Variants in PAK5 observed in about 807,000 individuals in gnomAD.
PAK5 encodes the protein p21 (RAC1) activated kinase 5.
Under a neutral mutation model 65.9 loss-of-function variants are expected in PAK5, and 16 were observed. That is an observed-to-expected ratio of 0.24 (90% CI 0.16 to 0.37). PAK5 has a LOEUF of 0.37. Ranked by LOEUF, PAK5 falls within the 10% of genes least tolerant of loss-of-function variation. The pLI is 1.00. For synonymous variants in PAK5, 371 were observed against 354.9 expected (o/e 1.05, Z -0.51); for missense variants, 785 against 903.9 (o/e 0.87, Z 1.69).
chr20:9,576,876 T>C (rs1302570265), intron 4 of PAK5, among the ~76,000 whole-genome samples: 1 of 152,240 alleles, frequency 6.6e-6, no homozygotes, highest in Non-Finnish European at 1.5e-5. Flanking sequence ...ATGTATCTGG[T>C]ACACAGCAAA....
At chr20:9,704,229 G>A in intron 2 of PAK5, among the ~76,000 whole-genome samples, 1 of 152,184 alleles carries the variant, frequency 6.6e-6, no homozygotes, top group Non-Finnish European at 1.5e-5. Flanking sequence ...CTGCCCTGCA[G>A]TGACCAGAGA....
chr20:9,707,394 C>A (rs979309590), intron 2 of PAK5, among the ~76,000 whole-genome samples: 9 of 152,106 alleles, frequency 5.9e-5, no homozygotes, highest in African/African-American at 1.9e-4. Flanking sequence ...ATAGGCATGG[C>A]CCCCAGCCCC....
chr20:9,580,566 G>C lies in PAK5; in HGVS notation c.569C>G (p.Ser190Cys), dbSNP rs2123014915. 1 of 1,614,058 alleles carries C rather than the reference G, an allele frequency of 6.2e-7. No homozygotes were observed. Among genetic ancestry groups the C allele is most frequent in the Non-Finnish European group, 8.5e-7 (1 of 1,180,018 alleles). The change falls in exon 4 of 10, where the codon TCC (serine) becomes TGC (cysteine). Residue 190 changes from serine to cysteine, a missense_variant. Physicochemically the swap from Ser to Cys is moderately radical, Grantham distance 112. This residue lies in a region of PAK5 where 422 missense variants were observed against 413.3 expected (regional missense o/e 1.02). Coordinates refer to ENST00000353224, the MANE Select transcript of PAK5 (RefSeq NM_177990.4). The stretch of plus-strand genomic sequence containing the variant: ...ATCGGCAGAAAATCTGGCAAAATCG[G>C]ATTTCAAAGGCTTCACCTCAGAATA... ...AYYSEVKPLKSDFARFSADYH... is the reference protein window; with the variant it reads ...AYYSEVKPLKCDFARFSADYH...
chr20:9,641,123 C>G (rs202186866), intron 3 of PAK5, among the ~76,000 whole-genome samples: 2 of 151,714 alleles, frequency 1.3e-5, no homozygotes, highest in African/African-American at 2.4e-5. Flanking sequence ...GGTTCTCCAC[C>G]TCCCCATCAG....
chr20:9,619,065 G>A (rs899741421), intron 3 of PAK5, among the ~76,000 whole-genome samples: 16 of 151,262 alleles, frequency 1.1e-4, no homozygotes, highest in Non-Finnish European at 1.5e-5. Context: ...TGGGACTACA[G>A]GTGTGTACCA....
intron 3 of PAK5, among the ~76,000 whole-genome samples, chr20:9,619,119 C>T (rs1472105302): frequency 1.3e-5 from 2 of 151,320 alleles, no homozygotes; most frequent in African/African-American, 2.4e-5. Context: ...AACAGGGTTT[C>T]GCCTTGTTGC....
intron 3 of PAK5, among the ~76,000 whole-genome samples, chr20:9,615,403 G>A (rs930147959): frequency 2.0e-5 from 3 of 152,190 alleles, no homozygotes; most frequent in Non-Finnish European, 4.4e-5. Context: ...TCAAGGGGGA[G>A]GCTGTGCATG....
chr20:9,694,255 T>C (rs1005099256), intron 2 of PAK5, among the ~76,000 whole-genome samples: 6 of 151,994 alleles, frequency 3.9e-5, no homozygotes, highest in Non-Finnish European at 8.8e-5. Flanking sequence ...AAAGTCTATA[T>C]TATTTTTAAA....
intron 3 of PAK5, among the ~76,000 whole-genome samples, chr20:9,592,181 A>G (rs1383251554): frequency 6.6e-6 from 1 of 152,220 alleles, no homozygotes; most frequent in East Asian, 1.9e-4. Flanking sequence ...TAAGAACTCT[A>G]AAAGCAGGGA....
At chr20:9,599,319 T>C (rs184080594) in intron 3 of PAK5, among the ~76,000 whole-genome samples, 10 of 152,346 alleles carry the variant, frequency 6.6e-5, no homozygotes, top group Admixed American at 4.6e-4. Context: ...CCTGTGAACA[T>C]TGATATACAA....
At chr20:9,806,005 C>T (rs989741613) in intron 1 of PAK5, among the ~76,000 whole-genome samples, 7 of 152,138 alleles carry the variant, frequency 4.6e-5, no homozygotes, top group Non-Finnish European at 7.4e-5. Context: ...CACTCTGTTG[C>T]CTAGGCTGGA....
chr20:9,630,554 T>G (rs1385122420), intron 3 of PAK5, among the ~76,000 whole-genome samples: 1 of 152,204 alleles, frequency 6.6e-6, no homozygotes, highest in Non-Finnish European at 1.5e-5. Context: ...AATTGTTTCA[T>G]CAGGAATACT....
intron 1 of PAK5, among the ~76,000 whole-genome samples, chr20:9,738,468 G>A (rs2048415849): frequency 6.6e-6 from 1 of 152,058 alleles, no homozygotes; most frequent in Non-Finnish European, 1.5e-5. Context: ...TCATACTATA[G>A]AGTACTGTTT....
chr20:9,739,942 C>G (rs939682533), intron 1 of PAK5, among the ~76,000 whole-genome samples: 1 of 152,164 alleles, frequency 6.6e-6, no homozygotes, highest in African/African-American at 2.4e-5. Context: ...CAGTCAAAGT[C>G]TTTGCTTCTG....
intron 1 of PAK5, among the ~76,000 whole-genome samples, chr20:9,738,818 T>TTGTGTGTG (rs35705495): frequency 6.7e-6 from 1 of 150,124 alleles, no homozygotes; most frequent in Admixed American, 6.7e-5. Flanking sequence ...TATGGGCAGT[T>TTGTGTGTG]TGTGTGTGTG....
intron 1 of PAK5, among the ~76,000 whole-genome samples, chr20:9,815,694 A>G (rs1418751735): frequency 6.6e-6 from 1 of 152,154 alleles, no homozygotes; most frequent in Non-Finnish European, 1.5e-5. Flanking sequence ...GGTCTACCAT[A>G]GCAATTCTTT....
At chr20:9,625,980 C>G (rs78952917) in intron 3 of PAK5, among the ~76,000 whole-genome samples, 128 of 152,248 alleles carry the variant, frequency 8.4e-4, no homozygotes, top group African/African-American at 2.8e-3. Flanking sequence ...ACTGCAGGTG[C>G]CACCAGCTAA....
chr20:9,725,521 G>A lies in PAK5; in HGVS notation c.-161-14086C>T, dbSNP rs181093119. Reference sequence around the variant, plus strand: ...ATTCTTATATCAAGAAGCCCCTTACGGCAAAAGAATTTTCAACACACACCA... The same window carrying A: ...ATTCTTATATCAAGAAGCCCCTTACAGCAAAAGAATTTTCAACACACACCA... On this transcript the variant is annotated intron_variant, in intron 1 of 9. Transcript: ENST00000353224. Among the ~76,000 whole-genome samples the A allele has an allele frequency of 1.6e-4, 24 of 152,026 alleles. No homozygotes were observed. The East Asian group carries it at 4.3e-3, about 27-fold the overall frequency.
chr20:9,784,846 G>A (rs2048976388), intron 1 of PAK5, among the ~76,000 whole-genome samples: 1 of 151,898 alleles, frequency 6.6e-6, no homozygotes, highest in South Asian at 2.1e-4. Context: ...CTGTTGCTTT[G>A]AATTTCGCAG....
Sources: allele counts gnomAD v4.1 joint callset (sites outside exome capture counted in the v4.1 genomes callset), GRCh38; gene constraint gnomAD v4.1.1; regional missense constraint gnomAD v4.1.1; transcripts MANE v1.5; gene names NCBI Gene and HGNC (gene_info 2026-07-23, HGNC 2026-07-21).